SUGCT: variants seen among roughly 807,000 people sequenced by gnomAD.
SUGCT encodes the protein succinyl-CoA:glutarate-CoA transferase, also known as succinyl-CoA:glutarate CoA-transferase.
Under a neutral mutation model 55.0 loss-of-function variants are expected in SUGCT, and 41 were observed. The observed-to-expected ratio is 0.74, with a 90% confidence interval of 0.58 to 0.97. The LOEUF is 0.97. Among genes scored for constraint, SUGCT ranks in the 50% least tolerant of loss-of-function variants. SUGCT has a pLI of 0.00. For synonymous variants in SUGCT, 187 were observed against 200.4 expected (o/e 0.93, Z 0.56); for missense variants, 568 against 547.8 (o/e 1.04, Z -0.37).
the SUGCT span, among the ~76,000 whole-genome samples, chr7:40,985,359 C>T: frequency 6.6e-6 from 1 of 152,054 alleles, no homozygotes. Context: ...AAGTCCTCAG[C>T]GCAGTGCAGG....
intron 12 of SUGCT, among the ~76,000 whole-genome samples, chr7:40,581,533 A>G (rs1431411658): frequency 6.6e-6 from 1 of 152,232 alleles, no homozygotes; most frequent in Non-Finnish European, 1.5e-5. Flanking sequence ...TCCCTAAAAT[A>G]CATTAATCAT....
chr7:41,000,571 A>G, the SUGCT span, among the ~76,000 whole-genome samples: 2 of 152,158 alleles, frequency 1.3e-5, no homozygotes, highest in East Asian at 3.9e-4. Context: ...TTTCTTAAAG[A>G]TGCTATATTG....
At chr7:40,708,387 A>G (rs935307543) in intron 12 of SUGCT, among the ~76,000 whole-genome samples, 1 of 152,192 alleles carries the variant, frequency 6.6e-6, no homozygotes, top group Non-Finnish European at 1.5e-5. Flanking sequence ...TAGTGGATGA[A>G]GGAAGTAAAG....
chr7:40,629,121 C>T (rs1157123105), intron 12 of SUGCT, among the ~76,000 whole-genome samples: 6 of 152,162 alleles, frequency 3.9e-5, no homozygotes, highest in Non-Finnish European at 8.8e-5. Flanking sequence ...GGAACCCTGG[C>T]CTTTCCAAAG....
chr7:40,444,958 CT>C (rs1788732126), intron 9 of SUGCT, among the ~76,000 whole-genome samples: 2 of 152,252 alleles, frequency 1.3e-5, no homozygotes, highest in Admixed American at 6.5e-5. Flanking sequence ...TGTCGAAAGC[CT>C]TTTCTGCATC....
chr7:40,554,023 C>CTTA (rs1351152767), intron 12 of SUGCT, among the ~76,000 whole-genome samples: 2 of 152,184 alleles, frequency 1.3e-5, no homozygotes, highest in Non-Finnish European at 2.9e-5. Context: ...AGAAAAGTTG[C>CTTA]TTAGTGCATT....
chr7:40,745,481 A>G (rs544658002), intron 12 of SUGCT, among the ~76,000 whole-genome samples: 145 of 152,246 alleles, frequency 9.5e-4, no homozygotes, highest in African/African-American at 3.3e-3. Flanking sequence ...TCCCCCCATC[A>G]TTAATACATT....
At chr7:40,593,415 A>G (rs1797834854) in intron 12 of SUGCT, among the ~76,000 whole-genome samples, 1 of 152,220 alleles carries the variant, frequency 6.6e-6, no homozygotes, top group Admixed American at 6.5e-5. Flanking sequence ...CAACTAGAAA[A>G]TGGGCATTGG....
chr7:40,528,452 C>A (rs1793917645), intron 12 of SUGCT, among the ~76,000 whole-genome samples: 1 of 152,126 alleles, frequency 6.6e-6, no homozygotes, highest in Non-Finnish European at 1.5e-5. Context: ...TATTAGAAAT[C>A]ATTCTTTATT....
chr7:40,533,142 A>C (rs1047474823), intron 12 of SUGCT, among the ~76,000 whole-genome samples: 7 of 152,198 alleles, frequency 4.6e-5, no homozygotes, highest in African/African-American at 9.6e-5. Flanking sequence ...TGTGTTAAAA[A>C]CAGAAATGTA....
intron 11 of SUGCT, 131 bp downstream of exon 11, chr7:40,459,329 T>G (rs763454413): frequency 1.6e-6 from 1 of 611,248 alleles, no homozygotes; most frequent in Non-Finnish European, 2.7e-6. Context: ...CAAAACTGGC[T>G]GGTGGAGAGA....
the SUGCT span, among the ~76,000 whole-genome samples, chr7:41,006,834 C>A: frequency 0.063 from 9,584 of 152,206 alleles, 559 homozygotes; most frequent in South Asian, 0.18. Context: ...AAGATTGCAT[C>A]ATTTGGCAGT....
chr7:40,798,587 T>C (rs1790664240), intron 13 of SUGCT, among the ~76,000 whole-genome samples: 1 of 152,198 alleles, frequency 6.6e-6, no homozygotes, highest in East Asian at 1.9e-4. Flanking sequence ...TAGTGAGTAA[T>C]ATTTCAAAAC....
intron 9 of SUGCT, among the ~76,000 whole-genome samples, chr7:40,367,446 C>G (rs1481206291): frequency 1.1e-5 from 1 of 94,064 alleles, no homozygotes; most frequent in Non-Finnish European, 2.1e-5. Context: ...AAATAAATTA[C>G]CCAGAAAAAA....
chr7:40,465,163 T>C (rs1185534128), intron 11 of SUGCT, among the ~76,000 whole-genome samples: 4 of 152,216 alleles, frequency 2.6e-5, no homozygotes, highest in African/African-American at 9.6e-5. Context: ...TTGGAATGAT[T>C]TGGTTATTTC....
intron 7 of SUGCT, among the ~76,000 whole-genome samples, chr7:40,264,123 T>G (rs1373942027): frequency 6.6e-6 from 1 of 152,196 alleles, no homozygotes; most frequent in East Asian, 1.9e-4. Context: ...GCTCTGTTTG[T>G]CAGTAATTAG....
intron 12 of SUGCT, among the ~76,000 whole-genome samples, chr7:40,717,709 A>G (rs1405546397): frequency 3.9e-5 from 6 of 152,236 alleles, no homozygotes; most frequent in Admixed American, 3.9e-4. Context: ...ATGTCAGGGC[A>G]CTGCCCTTGA....
chr7:40,589,327 C>G (rs370187646), intron 12 of SUGCT, among the ~76,000 whole-genome samples: 4 of 152,124 alleles, frequency 2.6e-5, no homozygotes, highest in East Asian at 3.8e-4. Flanking sequence ...GAAATTTATT[C>G]TCTCAGAGTC....
chr7:40,873,557 T>C, the SUGCT span, among the ~76,000 whole-genome samples: 2 of 152,260 alleles, frequency 1.3e-5, no homozygotes, highest in African/African-American at 2.4e-5. Context: ...TTCCTCCTTC[T>C]CACACTTCAG....
Sources: allele counts gnomAD v4.1 joint callset (sites outside exome capture counted in the v4.1 genomes callset), GRCh38; gene constraint gnomAD v4.1.1; transcripts MANE v1.5; gene names NCBI Gene and HGNC (gene_info 2026-07-23, HGNC 2026-07-21).